Variants in WNT3A observed in about 807,000 individuals in gnomAD.
The protein encoded by WNT3A is protein Wnt-3a.
A neutral mutation model predicts 37.0 loss-of-function variants in WNT3A; 17 were observed. The ratio of observed to expected loss-of-function variants is 0.46; its 90% CI spans 0.31 to 0.69. The LOEUF (loss-of-function observed/expected upper bound fraction) is 0.69. Among genes scored for constraint, WNT3A ranks in the 30% least tolerant of loss-of-function variants. The pLI is 0.05. For missense variants in WNT3A, 411 were observed against 510.2 expected (o/e 0.81, Z 1.87); for synonymous variants, 187 against 211.0 (o/e 0.89, Z 0.99).
At chr1:228,047,253 TG>T (rs1297238876) in intron 2 of WNT3A, among the ~76,000 whole-genome samples, 1 of 152,146 alleles carries the variant, frequency 6.6e-6, no homozygotes, top group East Asian at 1.9e-4. Flanking sequence ...ACGGGGCTGC[TG>T]GGACCCGCCA....
chr1:228,044,179 G>T (rs977858576), intron 2 of WNT3A, among the ~76,000 whole-genome samples: 1 of 152,008 alleles, frequency 6.6e-6, no homozygotes, highest in Non-Finnish European at 1.5e-5. Flanking sequence ...AAGAAAGGGG[G>T]TCTTGCTATG....
At chr1:228,028,814 G>T (rs2102768026) in intron 2 of WNT3A, among the ~76,000 whole-genome samples, 1 of 152,276 alleles carries the variant, frequency 6.6e-6, no homozygotes, top group South Asian at 2.1e-4. Context: ...TCTTCAGCGG[G>T]GTTGGCTGCA....
chr1:228,035,243 A>T lies in WNT3A; in HGVS notation c.313+12335A>T, dbSNP rs117921252. On this transcript the variant is annotated intron_variant, in intron 2 of 3. Transcript: ENST00000284523. The stretch of plus-strand genomic sequence containing the variant: ...TTTAAGTGTTCGACACACCATGGCC[A>T]GTTGAATCCTCATGCCCATCTGTTG... Among the ~76,000 whole-genome samples, 578 of 152,332 alleles carry T rather than the reference A, an allele frequency of 3.8e-3. 11 individuals are homozygous for T. The highest frequency in any genetic ancestry group is 0.036 in the East Asian group (187 of 5,184).
rs368201191 is a variant in WNT3A, at chr1:228,038,965, G to T, written c.314-11691G>T. 7.2e-5 allele frequency among the ~76,000 whole-genome samples: 11 copies of T among 152,238 alleles called. No individual in the cohort carries two copies. The highest frequency in any genetic ancestry group is 2.4e-4 in the African/African-American group (10 of 41,540). ...GTCACAGTGGAGGTGAGAACTTCCCGGTGGAGATTCAGCAGAGTTTTTCTC... is the reference window on the plus strand; with the variant it reads ...GTCACAGTGGAGGTGAGAACTTCCCTGTGGAGATTCAGCAGAGTTTTTCTC... On this transcript the variant is annotated intron_variant, in intron 2 of 3. Transcript: ENST00000284523. The surrounding 1 kb of genome is among the most constrained non-coding windows in gnomAD (Gnocchi z 5.7).
rs2030994904 is a variant in WNT3A at position 228,031,220 on chromosome 1, C to G, written c.313+8312C>G. Among the ~76,000 whole-genome samples the G allele has an allele frequency of 6.6e-6, 1 of 152,214 alleles. No individual in the cohort carries two copies. The highest frequency in any genetic ancestry group is 2.1e-4 in the South Asian group (1 of 4,832). ...TGGGTCTGGGATGAGGAGGACGTCC[C>G]TGAAGGACAAGTCAGGGTCCCTGTA... On this transcript the variant is annotated intron_variant, in intron 2 of 3. Transcript: ENST00000284523. The surrounding 1 kb of genome is among the most constrained non-coding windows in gnomAD (Gnocchi z 4.8).
intron 2 of WNT3A, among the ~76,000 whole-genome samples, chr1:228,046,305 G>A (rs1262550168): frequency 6.7e-6 from 1 of 150,246 alleles, no homozygotes; most frequent in Non-Finnish European, 1.5e-5. Flanking sequence ...TGGTGCACAT[G>A]TGGAGGGGTG....
chr1:228,053,910 T>C (rs1253533103), intron 3 of WNT3A, among the ~76,000 whole-genome samples: 1 of 152,228 alleles, frequency 6.6e-6, no homozygotes, highest in African/African-American at 2.4e-5. Context: ...AAAATGATTT[T>C]TAAGTGTCAA....
rs572206383 is a variant in WNT3A at position 228,061,122 on chromosome 1, C to G, written c.*1657C>G. 1 of 152,818 alleles carries G rather than the reference C, an allele frequency of 6.5e-6. No homozygotes were observed. Among genetic ancestry groups the G allele is most frequent in the Admixed American group, 6.5e-5 (1 of 15,306 alleles). 9.5% of individuals were successfully genotyped at this position (152,818 alleles called of 1,614,324 possible). A position where few individuals can be genotyped will look rare whatever the true frequency, so the allele number is the denominator to read the frequency against. Reference sequence around the variant, plus strand: ...CTGCCACTGTGAACCGGCTCCCACCCTCAAGGTGCGGGGAGAAGAAGCGGC... The same window carrying G: ...CTGCCACTGTGAACCGGCTCCCACCGTCAAGGTGCGGGGAGAAGAAGCGGC... On this transcript the variant is annotated 3_prime_UTR_variant, in exon 4 of 4. Transcript: ENST00000284523.
chr1:228,018,774 C>G (rs2030606105), intron 1 of WNT3A, among the ~76,000 whole-genome samples: 1 of 152,210 alleles, frequency 6.6e-6, no homozygotes, highest in Admixed American at 6.5e-5. Context: ...CCTCCAGGGC[C>G]CTCCTCTGCA....
rs2031179319 is a variant in WNT3A at position 228,037,735 on chromosome 1, G to A, written c.314-12921G>A. Among the ~76,000 whole-genome samples, 1 of 152,244 alleles carries A rather than the reference G, an allele frequency of 6.6e-6. No individual in the cohort carries two copies. The highest frequency in any genetic ancestry group is 2.1e-4 in the South Asian group (1 of 4,838). On this transcript the variant is annotated intron_variant, in intron 2 of 3. Coordinates refer to ENST00000284523, the MANE Select transcript of WNT3A (RefSeq NM_033131.4). The surrounding 1 kb of genome is among the most constrained non-coding windows in gnomAD (Gnocchi z 4.1). The stretch of plus-strand genomic sequence containing the variant: ...ATCATTAACTCTCCCCAGTGGGAGG[G>A]GAACCCCGGCCGACTCCCCGCCGCG...
chr1:228,012,738 G>T (rs1408440603), intron 1 of WNT3A, among the ~76,000 whole-genome samples: 1 of 152,208 alleles, frequency 6.6e-6, no homozygotes, highest in African/African-American at 2.4e-5. Context: ...TGGGGCAGAG[G>T]TTGCAGGTGC....
chr1:228,031,364 C>T lies in WNT3A; in HGVS notation c.313+8456C>T, dbSNP rs1380812204. ...TTATAAAGTGGAAGAATACTTACAG[C>T]TTGTCAGACCTCACAGAGCTGCTGG... On this transcript the variant is annotated intron_variant, in intron 2 of 3. Transcript: ENST00000284523. The surrounding 1 kb of genome is among the most constrained non-coding windows in gnomAD (Gnocchi z 4.8). 1.3e-5 allele frequency among the ~76,000 whole-genome samples: 2 copies of T among 152,218 alleles called. No homozygotes were observed. The highest frequency in any genetic ancestry group is 1.9e-4 in the East Asian group (1 of 5,186).
At position 228,059,537 on chromosome 1, in the gene WNT3A, A is replaced by T; in HGVS notation, c.*72A>T. The T allele has an allele frequency of 2.8e-6, 4 of 1,431,166 alleles. No individual in the cohort carries two copies. Among genetic ancestry groups the T allele is most frequent in the Non-Finnish European group, 3.6e-6 (4 of 1,098,966 alleles). 88.7% of individuals were successfully genotyped at this position (1,431,166 alleles called of 1,614,324 possible). Reference sequence around the variant, plus strand: ...TGGGCTTTTCCCTGGGTGGAGCAGGACTCCCACCTAAACGGGGCAGTACTC... The same window carrying T: ...TGGGCTTTTCCCTGGGTGGAGCAGGTCTCCCACCTAAACGGGGCAGTACTC... On this transcript the variant is annotated 3_prime_UTR_variant, in exon 4 of 4. Coordinates refer to ENST00000284523, the MANE Select transcript of WNT3A (RefSeq NM_033131.4).
intron 2 of WNT3A, among the ~76,000 whole-genome samples, chr1:228,041,554 C>T (rs1028746843): frequency 6.6e-6 from 1 of 150,544 alleles, no homozygotes; most frequent in African/African-American, 2.5e-5. Context: ...CATCCATCCA[C>T]CATCCATCAA....
At chr1:228,043,165 CACA>C (rs1458394398) in intron 2 of WNT3A, among the ~76,000 whole-genome samples, 3 of 152,140 alleles carry the variant, frequency 2.0e-5, no homozygotes, top group Non-Finnish European at 2.9e-5. Context: ...TAAATGAGAC[CACA>C]ACAAGTTTCT....
chr1:228,055,179 AATATAT>A (rs1180107835), intron 3 of WNT3A, among the ~76,000 whole-genome samples: 254 of 19,204 alleles, frequency 0.013, 3 homozygotes, highest in African/African-American at 0.025. Context: ...AAAAAAAAAA[AATATAT>A]ATATATATAT....
In WNT3A at chr1:228,060,284, C is replaced by G; in HGVS notation, c.*819C>G. ...TGTAAGGTTCCATCCACCCCTGCGT[C>G]GAGCTGGGAAGGTTCCATGAAGCGA... On this transcript the variant is annotated 3_prime_UTR_variant, in exon 4 of 4. Transcript: ENST00000284523. 3 of 1,351,616 alleles carry G rather than the reference C, an allele frequency of 2.2e-6. No homozygotes were observed. Among genetic ancestry groups the G allele is most frequent in the Non-Finnish European group, 2.9e-6 (3 of 1,021,410 alleles). 83.7% of individuals were successfully genotyped at this position (1,351,616 alleles called of 1,614,324 possible).
intron 1 of WNT3A, among the ~76,000 whole-genome samples, chr1:228,021,106 C>G (rs963055126): frequency 1.3e-5 from 2 of 152,186 alleles, no homozygotes; most frequent in Non-Finnish European, 2.9e-5. Context: ...GAAGCACTCA[C>G]ATAACCAACA....
intron 1 of WNT3A, among the ~76,000 whole-genome samples, chr1:228,018,007 G>A (rs926001105): frequency 2.0e-5 from 3 of 152,230 alleles, no homozygotes; most frequent in Non-Finnish European, 4.4e-5. Flanking sequence ...ATTGGCTAAC[G>A]CAGACTGACC....
Sources: allele counts gnomAD v4.1 joint callset (sites outside exome capture counted in the v4.1 genomes callset), GRCh38; gene constraint gnomAD v4.1.1; non-coding constraint Gnocchi (gnomAD v3.1); transcripts MANE v1.5; gene names NCBI Gene and HGNC (gene_info 2026-07-23, HGNC 2026-07-21).